PIR: variants seen among roughly 807,000 people sequenced by gnomAD.
PIR encodes the protein pirin.
Under a neutral mutation model 24.2 loss-of-function variants are expected in PIR, and 22 were observed. The ratio of observed to expected loss-of-function variants is 0.91; its 90% CI spans 0.65 to 1.30. The LOEUF (loss-of-function observed/expected upper bound fraction) is 1.30, where lower values mean the gene tolerates loss of function less well. Ranked by LOEUF, PIR falls within the 50% of genes most tolerant of loss-of-function variation. The probability of loss-of-function intolerance (pLI) is 0.00; values close to 1 mark genes in which losing one functional copy is unlikely to be tolerated. For synonymous variants in PIR, 80 were observed against 79.6 expected, an observed-to-expected ratio of 1.00 and a Z score of -0.03; for missense variants, 220 against 220.3, an observed-to-expected ratio of 1.00 and a Z score of 0.01.
chrX:15,385,783 C>T (rs1923727840), intron 9 of PIR, among the ~76,000 whole-genome samples: 1 of 112,084 alleles, frequency 8.9e-6, no homozygotes, highest in South Asian at 3.7e-4. Flanking sequence ...ATAGATAATG[C>T]AAAAGTGAAT....
At chrX:15,490,582 A>G (rs748178558) in intron 2 of PIR, among the ~76,000 whole-genome samples, 2 of 112,050 alleles carry the variant, frequency 1.8e-5, no homozygotes, top group East Asian at 5.6e-4. Flanking sequence ...AACATTCTCT[A>G]AAGTTGAAAG....
chrX:15,488,749 G>A (rs1368960758), intron 2 of PIR, among the ~76,000 whole-genome samples: 1 of 111,333 alleles, frequency 9.0e-6, no homozygotes, highest in East Asian at 2.8e-4. Flanking sequence ...TCATACCTGG[G>A]GTACAGGAGA....
intron 5 of PIR, among the ~76,000 whole-genome samples, chrX:15,445,833 T>C (rs1474657247): frequency 2.5e-5 from 2 of 79,257 alleles, no homozygotes; most frequent in Non-Finnish European, 4.9e-5. Context: ...TTTTTTTTTT[T>C]TTTTTTTTTT....
chrX:15,391,819 C>T (rs1445760415), intron 8 of PIR, among the ~76,000 whole-genome samples: 3 of 111,463 alleles, frequency 2.7e-5, no homozygotes, highest in Non-Finnish European at 5.6e-5. Context: ...TAAGAACGGC[C>T]GCAGCTCCAT....
intron 7 of PIR, among the ~76,000 whole-genome samples, chrX:15,401,187 G>A (rs1466957988): frequency 9.1e-6 from 1 of 109,331 alleles, no homozygotes; most frequent in African/African-American, 3.4e-5. Context: ...CAAGTAGCTG[G>A]GACCACAGGC....
intron 9 of PIR, among the ~76,000 whole-genome samples, chrX:15,387,073 CTTTTTTTTTTTTTTTTTT>C (rs764572854): frequency 1.6e-4 from 2 of 12,713 alleles, no homozygotes; most frequent in African/African-American, 4.9e-4. Context: ...CTTTTCTTTT[CTTTTTTTTTTTTTTTTTT>C]TTTTTTTTTT....
intron 6 of PIR, among the ~76,000 whole-genome samples, chrX:15,411,771 C>T (rs372638423): frequency 4.3e-4 from 48 of 111,533 alleles, no homozygotes; most frequent in African/African-American, 1.5e-3. Flanking sequence ...GGCAGACCTG[C>T]CTGGTTCTTC....
chrX:15,466,237 AT>A (rs1921588261), intron 3 of PIR, among the ~76,000 whole-genome samples: 1 of 111,560 alleles, frequency 9.0e-6, no homozygotes, highest in Admixed American at 9.5e-5. Context: ...AAATCACCCA[AT>A]TGACTAAATT....
At chrX:15,417,134 G>A (rs1420879724) in intron 6 of PIR, among the ~76,000 whole-genome samples, 1 of 110,683 alleles carries the variant, frequency 9.0e-6, no homozygotes, top group Non-Finnish European at 1.9e-5. Context: ...ATTTTTAGTA[G>A]AGATGGGGTT....
chrX:15,447,614 G>A (rs769355972), intron 5 of PIR, among the ~76,000 whole-genome samples: 2 of 112,082 alleles, frequency 1.8e-5, no homozygotes, highest in East Asian at 2.8e-4. Context: ...CACCACGCCC[G>A]GCTGCTGATA....
chrX:15,433,057 C>T (rs753903021), intron 5 of PIR, among the ~76,000 whole-genome samples: 3 of 112,506 alleles, frequency 2.7e-5, no homozygotes, highest in Non-Finnish European at 5.6e-5. Flanking sequence ...TTAAATTTGA[C>T]GTGCCTGGGC....
chrX:15,486,110 T>C (rs767915549), intron 2 of PIR, among the ~76,000 whole-genome samples: 2 of 108,135 alleles, frequency 1.8e-5, no homozygotes, highest in East Asian at 5.8e-4. Flanking sequence ...TCCCAGCACT[T>C]TGGGAGGCCG....
chrX:15,477,957 A>G (rs990874669), intron 3 of PIR, among the ~76,000 whole-genome samples: 2 of 111,074 alleles, frequency 1.8e-5, no homozygotes, highest in African/African-American at 6.6e-5. Context: ...AATATTCTAC[A>G]GCTGCACTCC....
intron 7 of PIR, among the ~76,000 whole-genome samples, chrX:15,401,826 TTTC>T (rs1291536696): frequency 1.9e-5 from 2 of 103,401 alleles, no homozygotes; most frequent in African/African-American, 6.6e-5. Flanking sequence ...AATGCCAATT[TTTC>T]TTTTCCTTTT....
intron 2 of PIR, among the ~76,000 whole-genome samples, chrX:15,489,857 G>A (rs2147092484): frequency 9.0e-6 from 1 of 111,532 alleles, no homozygotes; most frequent in East Asian, 2.8e-4. Context: ...ACTCATATGC[G>A]AAATCTAAAA....
chrX:15,402,664 C>T (rs1015276285), intron 7 of PIR, among the ~76,000 whole-genome samples: 4 of 109,932 alleles, frequency 3.6e-5, no homozygotes, highest in Non-Finnish European at 7.6e-5. Flanking sequence ...CCTCCCCCTG[C>T]CCAGCCCCCA....
chrX:15,420,708 G>C (rs943455296), intron 6 of PIR, among the ~76,000 whole-genome samples: 3 of 111,223 alleles, frequency 2.7e-5, no homozygotes, highest in Admixed American at 1.9e-4. Context: ...TTAATGATGA[G>C]TGCCTGTAGT....
chrX:15,387,073 CTTTTTTTTTTTTTTTTT>C (rs764572854), intron 9 of PIR, among the ~76,000 whole-genome samples: 44 of 12,715 alleles, frequency 3.5e-3, no homozygotes, highest in African/African-American at 9.0e-3. Flanking sequence ...CTTTTCTTTT[CTTTTTTTTTTTTTTTTT>C]TTTTTTTTTT....
intron 9 of PIR, among the ~76,000 whole-genome samples, chrX:15,386,348 G>A (rs1923748706): frequency 8.9e-6 from 1 of 112,190 alleles, no homozygotes; most frequent in Non-Finnish European, 1.9e-5. Context: ...TGGAGAGGAT[G>A]TGGGGAATAG....
Sources: allele counts gnomAD v4.1 joint callset (sites outside exome capture counted in the v4.1 genomes callset), GRCh38; gene constraint gnomAD v4.1.1; transcripts MANE v1.5; gene names NCBI Gene and HGNC (gene_info 2026-07-23, HGNC 2026-07-21).